TPCN1: variants seen among roughly 807,000 people sequenced by gnomAD.
TPCN1 encodes two pore channel protein 1.
TPCN1 carries 52 observed loss-of-function variants against 108.8 expected under a neutral mutation model. The ratio of observed to expected loss-of-function variants is 0.48; its 90% CI spans 0.38 to 0.60. The LOEUF is 0.60. Among genes scored for constraint, TPCN1 ranks in the 20% least tolerant of loss-of-function variants. TPCN1 has a pLI of 0.00. For synonymous variants in TPCN1, 446 were observed against 433.7 expected (o/e 1.03, Z -0.35); for missense variants, 806 against 1,072.8 (o/e 0.75, Z 3.47).
At position 113,297,398 on chromosome 12, in the gene TPCN1, C is replaced by G. The variant is rs575581638; in HGVS notation, c.*1322C>G. The G allele has an allele frequency of 6.5e-6, 1 of 153,702 alleles. No homozygotes were observed. Among genetic ancestry groups the G allele is most frequent in the South Asian group, 2.1e-4 (1 of 4,844 alleles). The allele number at this position is 153,702 out of a possible 1,614,324, so 9.5% of individuals were successfully genotyped here. On this transcript the variant is annotated 3_prime_UTR_variant, in exon 28 of 28. Coordinates refer to ENST00000335509, the MANE Select transcript of TPCN1 (RefSeq NM_017901.6). This position sits in a 1 kb window ranked among gnomAD's most constrained non-coding sequence, Gnocchi z 4.4. The stretch of plus-strand genomic sequence containing the variant: ...TGCACTGCTGGGCATTCCTGGCCAG[C>G]CCCGGCCCTCTGGTGCCTGCTTCCT...
chr12:113,226,893 C>T lies in TPCN1; in HGVS notation c.41C>T (p.Thr14Ile), dbSNP rs1307216152. 1.2e-6 allele frequency: 2 copies of T among 1,614,036 alleles called. No homozygotes were observed. The highest frequency in any genetic ancestry group is 8.5e-7 in the Non-Finnish European group (1 of 1,180,044). Residue 14 changes from threonine (T) to isoleucine (I), a missense_variant, in exon 2 of 28, where the codon ACC becomes ATC. Coordinates refer to ENST00000335509, the MANE Select transcript of TPCN1 (RefSeq NM_017901.6). ...GATGACGACGTGCCGCTCATCCTGA[C>T]CTTGGATGAGGGTGGCAGTGCCCCA... Reference protein sequence around the residue: ...SLDDDVPLILTLDEGGSAPLA... With the variant: ...SLDDDVPLILILDEGGSAPLA...
chr12:113,244,386 G>A lies in TPCN1; in HGVS notation c.113-15982G>A, dbSNP rs1031183575. On this transcript the variant is annotated intron_variant, in intron 2 of 27. Coordinates refer to ENST00000335509, the MANE Select transcript of TPCN1 (RefSeq NM_017901.6). Reference sequence around the variant, plus strand: ...GGTTGGTACATTTGCCCAGGGCTCTGCTTGGGTTTGGAGCCTTTACTAACG... The same window carrying A: ...GGTTGGTACATTTGCCCAGGGCTCTACTTGGGTTTGGAGCCTTTACTAACG... 2.6e-5 allele frequency: 26 copies of A among 985,346 alleles called. No homozygotes were observed. In the Admixed American group the frequency reaches 9.2e-4, roughly 35 times the overall value. 61.0% of individuals were successfully genotyped at this position (985,346 alleles called of 1,614,324 possible).
Position 113,284,284 on chromosome 12 carries a change from G to A in TPCN1, c.1343-297G>A, listed in dbSNP as rs1368609741. On this transcript the variant is annotated intron_variant, in intron 15 of 27. Coordinates refer to ENST00000335509, the MANE Select transcript of TPCN1 (RefSeq NM_017901.6). This position sits in a 1 kb window ranked among gnomAD's most constrained non-coding sequence, Gnocchi z 4.1. Reference sequence around the variant, plus strand: ...TCAATACTTGAATGCCTGGTATATTGTCCCTCTTTTACCTCAATTTGGAAT... The same window carrying A: ...TCAATACTTGAATGCCTGGTATATTATCCCTCTTTTACCTCAATTTGGAAT... Among the ~76,000 whole-genome samples, 1 of 152,168 alleles carries A rather than the reference G, an allele frequency of 6.6e-6. No individual in the cohort carries two copies. Among genetic ancestry groups the A allele is most frequent in the Non-Finnish European group, 1.5e-5 (1 of 68,024 alleles).
chr12:113,235,318 A>G (rs1290013128), intron 2 of TPCN1, among the ~76,000 whole-genome samples: 1 of 152,194 alleles, frequency 6.6e-6, no homozygotes, highest in African/African-American at 2.4e-5. Context: ...TATGGTTCAC[A>G]TGAGTCTATG....
intron 10 of TPCN1, among the ~76,000 whole-genome samples, chr12:113,274,018 C>A (rs910136143): frequency 2.6e-5 from 4 of 152,208 alleles, no homozygotes; most frequent in Non-Finnish European, 4.4e-5. Context: ...CCTGTAGGTA[C>A]AAAGATCCAC....
At chr12:113,245,963 G>A (rs946729148) in intron 2 of TPCN1, 4 of 456,024 alleles carry the variant, frequency 8.8e-6, no homozygotes, top group Non-Finnish European at 1.8e-5. Context: ...ATTCCCTGCA[G>A]GGTCATTTCC....
chr12:113,287,628 C>G (rs1017352105), intron 19 of TPCN1, among the ~76,000 whole-genome samples: 2 of 152,244 alleles, frequency 1.3e-5, no homozygotes, highest in African/African-American at 4.8e-5. Flanking sequence ...CCAGCTGCAA[C>G]CCCATCCACG....
At position 113,270,775 on chromosome 12, in the gene TPCN1, G is replaced by A. The variant is rs554545356; in HGVS notation, c.748+930G>A. On this transcript the variant is annotated intron_variant, in intron 7 of 27. Transcript: ENST00000335509. Reference sequence around the variant, plus strand: ...ATTATAGGCGTGGGCCACCGCGCCCGGCCTCTGGGACCTCTTTTATAGGGG... The same window carrying A: ...ATTATAGGCGTGGGCCACCGCGCCCAGCCTCTGGGACCTCTTTTATAGGGG... 5.2e-3 allele frequency among the ~76,000 whole-genome samples: 786 copies of A among 152,184 alleles called. 11 individuals carry two copies. Among genetic ancestry groups the A allele is most frequent in the African/African-American group, 0.018 (741 of 41,528 alleles).
chr12:113,230,193 G>T (rs971398525), intron 2 of TPCN1, among the ~76,000 whole-genome samples: 5 of 150,564 alleles, frequency 3.3e-5, no homozygotes, highest in Admixed American at 6.6e-5. Flanking sequence ...TCGGTATCTT[G>T]ATTAGGCTTC....
chr12:113,282,724 T>C (rs1240700731), intron 15 of TPCN1, among the ~76,000 whole-genome samples: 1 of 149,088 alleles, frequency 6.7e-6, no homozygotes, highest in East Asian at 2.0e-4. Context: ...GCCACTGCAC[T>C]CCAGCCTGGG....
rs201972328 is a variant in TPCN1, at chr12:113,288,143, C to T, written c.1635-20C>T. On this transcript the variant is annotated intron_variant, in intron 19 of 27. Transcript: ENST00000335509. The surrounding 1 kb of genome is among the most constrained non-coding windows in gnomAD (Gnocchi z 4.8). ...GGCGTGCACCTGTGTGTGGAGGTGA[C>T]GGGTGTCCTCCTCGCTCAGGTTGTT... is the stretch of plus-strand genomic sequence containing the variant. 24 of 1,606,168 alleles carry T rather than the reference C, an allele frequency of 1.5e-5. No homozygotes were observed. The highest frequency in any genetic ancestry group is 8.0e-5 in the African/African-American group (6 of 74,962).
Position 113,288,910 on chromosome 12 carries a change from C to A in TPCN1, c.1796+63C>A. ...TCCCGGGCAGAGGGCTGGCCAGGGC[C>A]AGGATTGGTGTCCTTGTGGCCTTGG... On this transcript the variant is annotated intron_variant, in intron 21 of 27. Coordinates refer to ENST00000335509, the MANE Select transcript of TPCN1 (RefSeq NM_017901.6). The surrounding 1 kb of genome is among the most constrained non-coding windows in gnomAD (Gnocchi z 4.8). 1 of 1,542,986 alleles carries A rather than the reference C, an allele frequency of 6.5e-7. No individual in the cohort carries two copies. Among genetic ancestry groups the A allele is most frequent in the Non-Finnish European group, 8.9e-7 (1 of 1,119,262 alleles).
In TPCN1 at chr12:113,260,402, C is replaced by T; in HGVS notation, c.147C>T (p.Ala49=). ...GCTATGCCATCCACGACTCCCAGGC[C>T]CCCAGTCTCAGCTCTGGGGGTGAGA... ...GGSYAIHDSQ[A]PSLSSGGESS... is the part of the protein sequence containing the mutation. The change falls in exon 3 of 28, where the codon GCC becomes GCT. Residue 49 remains alanine (A), a synonymous_variant. Coordinates refer to ENST00000335509, the MANE Select transcript of TPCN1 (RefSeq NM_017901.6). 6.6e-7 allele frequency: 1 copy of T among 1,522,636 alleles called. No homozygotes were observed. The highest frequency in any genetic ancestry group is 1.3e-5 in the South Asian group (1 of 78,328). The allele number at this position is 1,522,636 out of a possible 1,614,324, so 94.3% of individuals were successfully genotyped here.
At chr12:113,241,793 TGC>T (rs1555262466) in intron 2 of TPCN1, among the ~76,000 whole-genome samples, 3 of 150,430 alleles carry the variant, frequency 2.0e-5, no homozygotes, top group Non-Finnish European at 1.5e-5. Context: ...TGTGTGTGTG[TGC>T]GTGTGTGTGT....
chr12:113,284,567 C>A lies in TPCN1; in HGVS notation c.1343-14C>A. ...CTGTTATTTCTCTGTCTTTTACGGG[C>A]CTGTGTATTTCAGACTTGGTGGTGG... On this transcript the variant is annotated splice_polypyrimidine_tract_variant and intron_variant, in intron 15 of 27. Coordinates refer to ENST00000335509, the MANE Select transcript of TPCN1 (RefSeq NM_017901.6). The surrounding 1 kb of genome is among the most constrained non-coding windows in gnomAD (Gnocchi z 4.1). 1 of 1,614,020 alleles carries A rather than the reference C, an allele frequency of 6.2e-7. No homozygotes were observed. Among genetic ancestry groups the A allele is most frequent in the Middle Eastern group, 1.7e-4 (1 of 5,982 alleles).
At chr12:113,242,016 C>T (rs1954158545) in intron 2 of TPCN1, among the ~76,000 whole-genome samples, 1 of 152,068 alleles carries the variant, frequency 6.6e-6, no homozygotes, top group South Asian at 2.1e-4. Context: ...GAAGTCATGT[C>T]CTGCCTCACC....
intron 2 of TPCN1, among the ~76,000 whole-genome samples, chr12:113,258,890 G>A (rs1954916042): frequency 6.6e-6 from 1 of 152,118 alleles, no homozygotes; most frequent in Non-Finnish European, 1.5e-5. Flanking sequence ...AGGCCTTTGA[G>A]CCCTGTCAGT....
chr12:113,291,109 T>A lies in TPCN1; in HGVS notation c.1959+111T>A, dbSNP rs575579572. ...TTCCCGTAGCTTGCAGGGCTGGGGG[T>A]CTTGAGTCATGCTGTGTTGGTGTTC... On this transcript the variant is annotated intron_variant, in intron 23 of 27. Coordinates refer to ENST00000335509, the MANE Select transcript of TPCN1 (RefSeq NM_017901.6). 7.8e-5 allele frequency: 83 copies of A among 1,060,044 alleles called. 1 individual carries two copies. In the South Asian group the frequency reaches 1.0e-3, roughly 13 times the overall value. The allele number at this position is 1,060,044 out of a possible 1,614,324, so 65.7% of individuals were successfully genotyped here.
rs923207277 is a variant in TPCN1, at chr12:113,232,377, C to T, written c.112+5413C>T. Among the ~76,000 whole-genome samples the T allele has an allele frequency of 2.0e-5, 3 of 152,262 alleles. No individual in the cohort carries two copies. The highest frequency in any genetic ancestry group is 7.2e-5 in the African/African-American group (3 of 41,476). ...TCATGCAGCCAGGGCGAGTTGGCACCAGGCTCAGTCAAGGTGGGCCAGAGC... is the reference window on the plus strand; with the variant it reads ...TCATGCAGCCAGGGCGAGTTGGCACTAGGCTCAGTCAAGGTGGGCCAGAGC... On this transcript the variant is annotated intron_variant, in intron 2 of 27. Coordinates refer to ENST00000335509, the MANE Select transcript of TPCN1 (RefSeq NM_017901.6). The surrounding 1 kb of genome is among the most constrained non-coding windows in gnomAD (Gnocchi z 5.6).
Sources: allele counts gnomAD v4.1 joint callset (sites outside exome capture counted in the v4.1 genomes callset), GRCh38; gene constraint gnomAD v4.1.1; non-coding constraint Gnocchi (gnomAD v3.1); transcripts MANE v1.5; gene names NCBI Gene and HGNC (gene_info 2026-07-23, HGNC 2026-07-21).